PARVG: variants seen among roughly 807,000 people sequenced by gnomAD.
PARVG encodes parvin gamma, also known as gamma-parvin.
PARVG carries 36 observed loss-of-function variants against 44.4 expected under a neutral mutation model. The ratio of observed to expected loss-of-function variants is 0.81; its 90% CI spans 0.62 to 1.07. The LOEUF is 1.07. Among genes scored for constraint, PARVG ranks in the 50% least tolerant of loss-of-function variants. PARVG has a pLI of 0.00. For missense variants in PARVG, 407 were observed against 407.4 expected (o/e 1.00, Z 0.01); for synonymous variants, 170 against 174.1 (o/e 0.98, Z 0.19).
At chr22:44,205,651 T>C in intron 12 of PARVG, 106 bp from the exon 13 acceptor site, 1 of 1,360,996 alleles carries the variant, frequency 7.3e-7, no homozygotes, top group East Asian at 2.5e-5. Context: ...GAGTTTAGGC[T>C]CATGATGGAC....
chr22:44,187,501 G>T (rs770175210), intron 4 of PARVG: 52 of 523,984 alleles, frequency 9.9e-5, no homozygotes, highest in Admixed American at 3.2e-5. Flanking sequence ...TGCTATGGTA[G>T]TACCCCACTT....
chr22:44,177,427 A>G (rs111226876), upstream of PARVG, among the ~76,000 whole-genome samples: 2 of 152,314 alleles, frequency 1.3e-5, no homozygotes, highest in African/African-American at 4.8e-5. Context: ...AATTGTCTCA[A>G]TGATGTCCTT....
upstream of PARVG, among the ~76,000 whole-genome samples, chr22:44,175,946 A>T (rs139109): frequency 6.6e-6 from 1 of 151,578 alleles, no homozygotes; most frequent in Non-Finnish European, 1.5e-5. Context: ...ACATGGTCAC[A>T]CCGGACAGCT....
chr22:44,174,564 A>C (rs1295790639), intron 1 of PARVG, among the ~76,000 whole-genome samples: 7 of 151,480 alleles, frequency 4.6e-5, no homozygotes, highest in East Asian at 2.0e-4. Context: ...CAAACAAAAA[A>C]AAAAACCCAC....
At position 44,175,327 on chromosome 22, in the gene PARVG, G is replaced by A. The variant is rs531768109; in HGVS notation, c.-189+2136G>A. On this transcript the variant is annotated intron_variant, in intron 1 of 13. Transcript: ENST00000422871. ...GACATTGCACGGCCACTTGCCCTCA[G>A]ATGTGACAGAACTGGCAGAATCTGA... Among the ~76,000 whole-genome samples, 98 of 152,302 alleles carry A rather than the reference G, an allele frequency of 6.4e-4. 1 individual carries two copies. Among genetic ancestry groups the A allele is most frequent in the African/African-American group, 2.1e-3 (89 of 41,576 alleles).
At chr22:44,175,248 T>A (rs1036256336) in intron 1 of PARVG, among the ~76,000 whole-genome samples, 1 of 152,216 alleles carries the variant, frequency 6.6e-6, no homozygotes, top group Non-Finnish European at 1.5e-5. Flanking sequence ...GGGAGGGGGC[T>A]CTCTGCTTAG....
intron 7 of PARVG, 57 bp from the exon 8 acceptor site, chr22:44,191,992 C>T (rs1319514139): frequency 1.3e-6 from 2 of 1,581,908 alleles, no homozygotes; most frequent in East Asian, 2.2e-5. Flanking sequence ...ACTGGGGCTT[C>T]TTTGGGCCCC....
chr22:44,185,711 G>T, intron 3 of PARVG, 97 bp from the exon 4 acceptor site: 1 of 1,042,452 alleles, frequency 9.6e-7, no homozygotes, highest in Non-Finnish European at 1.4e-6. Context: ...CGGTGCCCCT[G>T]GGTCTGCGGT....
chr22:44,201,209 G>A (rs775171877), intron 12 of PARVG, among the ~76,000 whole-genome samples: 1 of 152,118 alleles, frequency 6.6e-6, no homozygotes, highest in African/African-American at 2.4e-5. Context: ...GTGGGGCCCT[G>A]TACCACAGTC....
Position 44,182,634 on chromosome 22 carries a change from G to C in PARVG, c.-12-684G>C, listed in dbSNP as rs1026749568. ...TTGAAAACACTGAGAAGACCCAGGG[G>C]CTGAAAAGGGAGGAAGAGGGAGGCC... On this transcript the variant is annotated intron_variant, in intron 2 of 13. Transcript: ENST00000444313. The surrounding 1 kb of genome is among the most constrained non-coding windows in gnomAD (Gnocchi z 4.6). Among the ~76,000 whole-genome samples, 1 of 152,186 alleles carries C rather than the reference G, an allele frequency of 6.6e-6. No homozygotes were observed. Among genetic ancestry groups the C allele is most frequent in the Non-Finnish European group, 1.5e-5 (1 of 68,034 alleles).
At chr22:44,188,035 T>C (rs1289820051) in intron 5 of PARVG, 157 bp downstream of exon 5, 3 of 752,744 alleles carry the variant, frequency 4.0e-6, no homozygotes, top group African/African-American at 3.5e-5. Context: ...GCTGGGGAGA[T>C]GGAGGCGCTG....
rs1414170379 is a variant in PARVG, at chr22:44,193,790, C to CCACTG, written c.561-7_561-3dup. On this transcript the variant is annotated splice_polypyrimidine_tract_variant and intron_variant, in intron 8 of 13. Transcript: ENST00000444313. ...TTAACCATTTGTTTGCTTTTTCCAC[C>CCACTG]CACTGCACAGCACAGACAAGGACGA... is the stretch of plus-strand genomic sequence containing the variant. 1 of 1,612,846 alleles carries CCACTG rather than the reference C, an allele frequency of 6.2e-7. No homozygotes were observed. Among genetic ancestry groups the CCACTG allele is most frequent in the East Asian group, 2.2e-5 (1 of 44,882 alleles).
upstream of PARVG, among the ~76,000 whole-genome samples, chr22:44,176,485 A>G (rs1281777025): frequency 6.6e-6 from 1 of 152,198 alleles, no homozygotes; most frequent in Non-Finnish European, 1.5e-5. Flanking sequence ...ACTGTACTCA[A>G]GGAATGATGG....
At chr22:44,201,560 C>T (rs1000578483) in intron 12 of PARVG, among the ~76,000 whole-genome samples, 30 of 152,318 alleles carry the variant, frequency 2.0e-4, no homozygotes, top group African/African-American at 5.1e-4. Flanking sequence ...TCAGTGTCTA[C>T]GGTCCTGGTG....
At chr22:44,192,554 T>TG (rs1231913800) in intron 8 of PARVG, among the ~76,000 whole-genome samples, 5 of 151,710 alleles carry the variant, frequency 3.3e-5, no homozygotes, top group African/African-American at 7.3e-5. Context: ...CCCCACCCAC[T>TG]GGGGGGTGTG....
chr22:44,202,348 G>T (rs574910562), intron 12 of PARVG, among the ~76,000 whole-genome samples: 1 of 152,320 alleles, frequency 6.6e-6, no homozygotes, highest in South Asian at 2.1e-4. Context: ...AAGGGGGCAG[G>T]CAGGACCACC....
Position 44,189,126 on chromosome 22 carries a change from C to T in PARVG, c.260C>T (p.Ala87Val), listed in dbSNP as rs138075453. Residue 87 changes from alanine to valine, a missense_variant, in exon 6 of 14, where the codon GCG becomes GTG. Coordinates refer to ENST00000444313, the MANE Select transcript of PARVG (RefSeq NM_022141.7). ...CTCCTGCCTCCAGAGAGGCTGGCGGCGCTCAAGCTGGAAGCAGAGGACATC... is the reference window on the plus strand; with the variant it reads ...CTCCTGCCTCCAGAGAGGCTGGCGGTGCTCAAGCTGGAAGCAGAGGACATC... ...ILHHLFQRLA[A>V]LKLEAEDIAL... is the part of the protein sequence containing the mutation. The T allele has an allele frequency of 1.4e-3, 2,282 of 1,613,410 alleles. 34 individuals are homozygous for T. In the South Asian group the frequency reaches 0.018, roughly 13 times the overall value.
At chr22:44,196,075 T>G (rs1380236023) in intron 9 of PARVG, 80 bp from the exon 10 acceptor site, 21 of 1,545,944 alleles carry the variant, frequency 1.4e-5, no homozygotes, top group Non-Finnish European at 1.9e-5. Context: ...TCTAAGAAAC[T>G]TTTGTGAAAA....
At chr22:44,174,488 C>G (rs927513335) in intron 1 of PARVG, among the ~76,000 whole-genome samples, 1 of 151,938 alleles carries the variant, frequency 6.6e-6, no homozygotes, top group Non-Finnish European at 1.5e-5. Context: ...GGGCTGATCA[C>G]TTGAGGCTAG....
Sources: allele counts gnomAD v4.1 joint callset (sites outside exome capture counted in the v4.1 genomes callset), GRCh38; gene constraint gnomAD v4.1.1; non-coding constraint Gnocchi (gnomAD v3.1); transcripts MANE v1.5; gene names NCBI Gene and HGNC (gene_info 2026-07-23, HGNC 2026-07-21).